PKD1L1: variants seen among roughly 807,000 people sequenced by gnomAD.
The protein encoded by PKD1L1 is polycystin-1-like protein 1.
Under a neutral mutation model 323.4 loss-of-function variants are expected in PKD1L1, and 236 were observed. The ratio of observed to expected loss-of-function variants is 0.73; its 90% CI spans 0.66 to 0.81. The LOEUF (loss-of-function observed/expected upper bound fraction) is 0.81, where lower values mean the gene tolerates loss of function less well. Among genes scored for constraint, PKD1L1 ranks in the 40% least tolerant of loss-of-function variants. The pLI, the probability that PKD1L1 is intolerant of heterozygous loss-of-function variation, is 0.00. For synonymous variants in PKD1L1, 1,344 were observed against 1,335.0 expected (o/e 1.01, Z -0.15); for missense variants, 3,320 against 3,508.0 (o/e 0.95, Z 1.35).
At chr7:47,905,554 A>G (rs895824213) in intron 10 of PKD1L1, among the ~76,000 whole-genome samples, 3 of 152,216 alleles carry the variant, frequency 2.0e-5, no homozygotes, top group Non-Finnish European at 2.9e-5. Flanking sequence ...TCCTAAGGCC[A>G]TAGGGCCAAC....
rs572538840 is a variant in PKD1L1, at chr7:47,883,582, G to C, written c.3265+1016C>G. Among the ~76,000 whole-genome samples, 3 of 152,252 alleles carry C rather than the reference G, an allele frequency of 2.0e-5. No individual in the cohort carries two copies. The East Asian group carries it at 5.8e-4, about 29-fold the overall frequency. On this transcript the variant is annotated intron_variant, in intron 19 of 56. Transcript: ENST00000289672. ...GCCATGCCTCTTGTCTCTAGGACCT[G>C]GGAGTATTTTCTTTGTTTTTCTCTC...
chr7:47,905,384 A>T lies in PKD1L1; in HGVS notation c.1523-59T>A, dbSNP rs1040366908. 28 of 1,543,604 alleles carry T rather than the reference A, an allele frequency of 1.8e-5. 1 individual carries two copies. The highest frequency in any genetic ancestry group is 2.1e-4 in the Middle Eastern group (1 of 4,772). On this transcript the variant is annotated intron_variant, in intron 10 of 56. Transcript: ENST00000289672. The stretch of plus-strand genomic sequence containing the variant: ...AACATAGGAGGGCTGGAATCTCCAG[A>T]GAAACTAGTACCTCTACTTTCCCAC...
chr7:47,880,284 A>ATTTTT (rs35198089), intron 21 of PKD1L1, among the ~76,000 whole-genome samples: 18 of 56,764 alleles, frequency 3.2e-4, no homozygotes, highest in Non-Finnish European at 4.3e-4. Context: ...ATATATATAT[A>ATTTTT]TTTTTTTTTT....
At chr7:47,862,940 C>A (rs58773168) in intron 26 of PKD1L1, among the ~76,000 whole-genome samples, 5,540 of 152,228 alleles carry the variant, frequency 0.036, 135 homozygotes, top group Non-Finnish European at 0.047. Flanking sequence ...AATGACTTGA[C>A]TGCTGTGTGT....
At chr7:47,822,231 C>T (rs1246620552) in intron 45 of PKD1L1, among the ~76,000 whole-genome samples, 1 of 152,092 alleles carries the variant, frequency 6.6e-6, no homozygotes, top group East Asian at 1.9e-4. Context: ...ATTGTTTAGG[C>T]TATTCTAGTT....
chr7:47,850,164 G>GAAATA (rs1231881078), intron 31 of PKD1L1, among the ~76,000 whole-genome samples: 1 of 151,986 alleles, frequency 6.6e-6, no homozygotes, highest in Non-Finnish European at 1.5e-5. Flanking sequence ...AAAAACTACT[G>GAAATA]AAATAAAATA....
chr7:47,899,023 T>C (rs1013970152), intron 13 of PKD1L1, among the ~76,000 whole-genome samples: 3 of 152,210 alleles, frequency 2.0e-5, no homozygotes, highest in Non-Finnish European at 4.4e-5. Flanking sequence ...ATTACCAACA[T>C]TCAGAGTAAG....
At chr7:47,957,476 G>A in the PKD1L1 span, among the ~76,000 whole-genome samples, 1 of 152,078 alleles carries the variant, frequency 6.6e-6, no homozygotes, top group Non-Finnish European at 1.5e-5. Flanking sequence ...ATTCAGTAAA[G>A]TTTCAGGATA....
chr7:47,828,360 G>A (rs754034382), intron 44 of PKD1L1, among the ~76,000 whole-genome samples: 17 of 151,954 alleles, frequency 1.1e-4, no homozygotes, highest in South Asian at 4.1e-4. Flanking sequence ...ACAGCTGTAC[G>A]AGGGGAGAAG....
rs1164506780 is a variant in PKD1L1, at chr7:47,840,328, GT to G, written c.5552+132del. ...TAAACTAAAAATACATCATAAAATT[GT>G]TTGTATATAAATCGATGCTCACTAT... On this transcript the variant is annotated intron_variant, in intron 35 of 56. Transcript: ENST00000289672. This position sits in a 1 kb window ranked among gnomAD's most constrained non-coding sequence, Gnocchi z 4.1. 5.0e-6 allele frequency: 3 copies of G among 602,014 alleles called. No individual in the cohort carries two copies. Among genetic ancestry groups the G allele is most frequent in the Admixed American group, 2.9e-5 (1 of 34,870 alleles). 37.3% of individuals were successfully genotyped at this position (602,014 alleles called of 1,614,324 possible). A position where few individuals can be genotyped will look rare whatever the true frequency, so the allele number is the denominator to read the frequency against.
At chr7:47,947,695 C>A (rs563700694) in intron 1 of PKD1L1, among the ~76,000 whole-genome samples, 1 of 152,176 alleles carries the variant, frequency 6.6e-6, no homozygotes, top group Non-Finnish European at 1.5e-5. Flanking sequence ...AGGCTGGGTG[C>A]GGTGGCTTAT....
At chr7:47,804,906 T>C (rs996361437) in intron 52 of PKD1L1, among the ~76,000 whole-genome samples, 2 of 152,206 alleles carry the variant, frequency 1.3e-5, no homozygotes, top group Admixed American at 6.5e-5. Flanking sequence ...GTGGTGACTA[T>C]TGGACAACAC....
Position 47,821,154 on chromosome 7 carries a change from AGAAGCAGCATGAGG to A in PKD1L1, c.6873_6886del (p.Leu2292AlafsTer13). 1 of 1,609,972 alleles carries A rather than the reference AGAAGCAGCATGAGG, an allele frequency of 6.2e-7. No homozygotes were observed. Among genetic ancestry groups the A allele is most frequent in the Admixed American group, 1.7e-5 (1 of 60,028 alleles). On this transcript the variant is annotated frameshift_variant, in exon 46 of 57. Transcript: ENST00000289672. LOFTEE classifies it high-confidence loss of function. ...TCTCCCATATATTACACACAAAAGC[AGAAGCAGCATGAGG>A]ATGTCCATGGAAATGTCTCTGTAAG... is the stretch of plus-strand genomic sequence containing the variant.
chr7:47,949,143 G>A (rs570639663), upstream of PKD1L1, among the ~76,000 whole-genome samples: 5 of 151,290 alleles, frequency 3.3e-5, no homozygotes, highest in East Asian at 4.0e-4. Flanking sequence ...GGTCGAGGTG[G>A]GCGGATCACG....
chr7:47,905,259 G>C lies in PKD1L1; in HGVS notation c.1589C>G (p.Thr530Ser), dbSNP rs755509454. Residue 530 changes from threonine to serine, a missense_variant, in exon 11 of 57, where the codon ACC becomes AGC. Physicochemically the swap from Thr to Ser is moderately conservative, Grantham distance 58 (BLOSUM62 1). Coordinates refer to ENST00000289672, the MANE Select transcript of PKD1L1 (RefSeq NM_138295.5). ...AAATTCCAGGGGTATTGTTTCCTTG[G>C]TAACAGCTGTAAATGTAATGTCTGT... ...TDTDITFTAVTKETIPLEFEW... is the reference protein window; with the variant it reads ...TDTDITFTAVSKETIPLEFEW... The C allele has an allele frequency of 3.1e-6, 5 of 1,614,080 alleles. No individual in the cohort carries two copies. The highest frequency in any genetic ancestry group is 1.6e-4 in the Middle Eastern group (1 of 6,062).
the PKD1L1 span, among the ~76,000 whole-genome samples, chr7:47,960,177 TC>T: frequency 6.7e-6 from 1 of 149,588 alleles, no homozygotes; most frequent in Admixed American, 6.6e-5. Context: ...GGCAGCATGC[TC>T]GTTAAGAGTC....
chr7:47,790,111 G>C (rs929514980), intron 56 of PKD1L1, among the ~76,000 whole-genome samples: 1 of 151,862 alleles, frequency 6.6e-6, no homozygotes, highest in African/African-American at 2.4e-5. Flanking sequence ...GGATGGTCTC[G>C]ATCTCCTGAC....
chr7:47,786,207 C>T (rs990060140), intron 56 of PKD1L1, among the ~76,000 whole-genome samples: 4 of 152,178 alleles, frequency 2.6e-5, no homozygotes, highest in African/African-American at 9.7e-5. Context: ...TTTGAGGGAA[C>T]TCAGTAAATT....
Position 47,800,818 on chromosome 7 carries a change from C to G in PKD1L1, c.8024G>C (p.Trp2675Ser). The change falls in exon 54 of 57, where the codon TGG becomes TCG. Residue 2675 changes from tryptophan (W) to serine (S), a missense_variant. By Grantham distance (177) the Trp-to-Ser change is radical. Transcript: ENST00000289672. ...TGTGAAGGTGCCAGGTGGTAGAACC[C>G]ACATAGAGAGCAGAAATCGGTGCAG... ...SHLHRFLLSM[W>S]VLPPGTFTDA... 1.2e-6 allele frequency: 2 copies of G among 1,614,038 alleles called. No homozygotes were observed. The highest frequency in any genetic ancestry group is 8.5e-7 in the Non-Finnish European group (1 of 1,180,014).
Sources: gnomAD v4.1 joint callset for allele counts (sites outside exome capture counted in the v4.1 genomes callset) on GRCh38, gnomAD v4.1.1 for gene constraint, Gnocchi (gnomAD v3.1) non-coding constraint, MANE v1.5 for transcripts, NCBI Gene and HGNC (gene_info 2026-07-23, HGNC 2026-07-21) for gene names.